The following ATP7A variants were observed in gnomAD, a reference collection of about 807,000 sequenced individuals.
The protein encoded by ATP7A is ATPase copper transporting alpha, also known as copper-transporting ATPase 1.
ATP7A carries 7 observed loss-of-function variants against 83.5 expected under a neutral mutation model. That is an observed-to-expected ratio of 0.08 (90% CI 0.05 to 0.16). The LOEUF is 0.16. Among genes scored for constraint, ATP7A ranks in the 10% least tolerant of loss-of-function variants. The probability of loss-of-function intolerance (pLI) is 1.00; values close to 1 mark genes in which losing one functional copy is unlikely to be tolerated. For missense variants in ATP7A, 940 were observed against 1,120.8 expected, an observed-to-expected ratio of 0.84 and a Z score of 2.30; for synonymous variants, 354 against 395.2, an observed-to-expected ratio of 0.90 and a Z score of 1.24.
chrX:77,991,998 G>C (rs1557232118), intron 4 of ATP7A, among the ~76,000 whole-genome samples: 1 of 109,589 alleles, frequency 9.1e-6, no homozygotes, highest in Admixed American at 9.8e-5. Context: ...CTCCAGCCTG[G>C]GTAACAGAAC....
At chrX:77,929,746 G>A (rs1309531186) in intron 1 of ATP7A, among the ~76,000 whole-genome samples, 1 of 109,417 alleles carries the variant, frequency 9.1e-6, no homozygotes, top group Non-Finnish European at 1.9e-5. Flanking sequence ...GTGATTACAG[G>A]CATGAGCCAC....
intron 1 of ATP7A, among the ~76,000 whole-genome samples, chrX:77,915,269 C>A (rs1166912385): frequency 2.7e-5 from 3 of 109,485 alleles, no homozygotes; most frequent in Non-Finnish European, 5.7e-5. Flanking sequence ...GAGCTGAGAT[C>A]ACACCACTGC....
intron 1 of ATP7A, among the ~76,000 whole-genome samples, chrX:77,954,950 A>G (rs1557227189): frequency 9.2e-6 from 1 of 109,283 alleles, no homozygotes; most frequent in Non-Finnish European, 1.9e-5. Flanking sequence ...TTTCTTTTTC[A>G]TTTCCCATTA....
intron 2 of ATP7A, among the ~76,000 whole-genome samples, chrX:77,984,690 C>T (rs892696659): frequency 9.0e-6 from 1 of 111,164 alleles, no homozygotes; most frequent in Non-Finnish European, 1.9e-5. Context: ...TGACTTCCTG[C>T]CCAAAGATTT....
intron 2 of ATP7A, among the ~76,000 whole-genome samples, chrX:77,987,106 C>A (rs782515401): frequency 2.4e-4 from 27 of 111,221 alleles, no homozygotes; most frequent in Non-Finnish European, 4.5e-4. Context: ...CCTAAGAATA[C>A]TTTTCTGACC....
At chrX:78,022,486 C>CATGT (rs2077913118) in intron 14 of ATP7A, among the ~76,000 whole-genome samples, 1 of 75,345 alleles carries the variant, frequency 1.3e-5, no homozygotes, top group Admixed American at 1.7e-4. Context: ...GGTACATGTG[C>CATGT]ATGTTTGTTT....
chrX:77,915,927 G>T (rs1460110521), intron 1 of ATP7A, among the ~76,000 whole-genome samples: 1 of 111,638 alleles, frequency 9.0e-6, no homozygotes, highest in East Asian at 2.8e-4. Context: ...CGCCATGTTG[G>T]CCAGCCTGGT....
intron 13 of ATP7A, 146 bp from the exon 14 acceptor site, chrX:78,020,799 G>C (rs781829363): frequency 2.8e-5 from 18 of 641,238 alleles, no homozygotes; most frequent in Non-Finnish European, 4.1e-5. Context: ...GGGATTACAG[G>C]TGTGAGCCAC....
intron 19 of ATP7A, 69 bp downstream of exon 19, chrX:78,040,802 A>G (rs1187003261): frequency 7.9e-6 from 9 of 1,133,766 alleles, no homozygotes; most frequent in Non-Finnish European, 9.7e-6. Context: ...TTCAAATGCT[A>G]AGAAATTTAC....
Position 77,988,426 on chromosome X carries a change from A to T in ATP7A, c.305A>T (p.His102Leu). 2 of 1,211,794 alleles carry T rather than the reference A, an allele frequency of 1.7e-6. No homozygotes were observed. Among genetic ancestry groups the T allele is most frequent in the Non-Finnish European group, 2.2e-6 (2 of 895,428 alleles). Reference protein sequence around the residue: ...VTASLTLPWDHIQSTLLKTKG... With the variant: ...VTASLTLPWDLIQSTLLKTKG... The stretch of plus-strand genomic sequence containing the variant: ...GCGTCACTGACTTTGCCATGGGACC[A>T]TATCCAAAGCACATTGCTGAAGACC... The change falls in exon 3 of 23, where the codon CAT (histidine) becomes CTT (leucine). Residue 102 changes from histidine (H) to leucine (L), a missense_variant. Physicochemically the swap from His to Leu is moderately conservative, Grantham distance 99 (BLOSUM62 -3). This residue lies in a region of ATP7A where 350 missense variants were observed against 432.8 expected (regional missense o/e 0.81). Coordinates refer to ENST00000341514, the MANE Select transcript of ATP7A (RefSeq NM_000052.7).
Position 78,011,265 on chromosome X carries a change from G to C in ATP7A, c.1946+13G>C. 5.8e-6 allele frequency: 7 copies of C among 1,201,239 alleles called. No individual in the cohort carries two copies. The highest frequency in any genetic ancestry group is 1.8e-5 in the South Asian group (1 of 56,523). On this transcript the variant is annotated intron_variant, in intron 8 of 22. Coordinates refer to ENST00000341514, the MANE Select transcript of ATP7A (RefSeq NM_000052.7). ...GAGAAATAAGACAGTAAGTACTTTG[G>C]AGTGTCAGTAAAAAACAGATTTTGA...
intron 14 of ATP7A, among the ~76,000 whole-genome samples, chrX:78,024,096 A>T (rs782636580): frequency 9.0e-6 from 1 of 111,418 alleles, no homozygotes; most frequent in Non-Finnish European, 1.9e-5. Context: ...GTTGAAGACC[A>T]GTTGGTTGTA....
Position 78,001,825 on chromosome X carries a change from T to TA in ATP7A, c.1544-1237dup, listed in dbSNP as rs1331349535. 4.1e-4 allele frequency among the ~76,000 whole-genome samples: 42 copies of TA among 102,269 alleles called. 1 individual carries two copies. The highest frequency in any genetic ancestry group is 7.1e-4 in the African/African-American group (20 of 28,335). The allele number at this position is 102,269 out of a possible 115,157, so 88.8% of individuals were successfully genotyped here. On this transcript the variant is annotated intron_variant, in intron 5 of 22. Transcript: ENST00000341514. Reference sequence around the variant, plus strand: ...TGGCCTAGAAAAGTGGAATGGTTGTTAAAAAAAAAAAGGTTTGCACTAGTG... The same window carrying TA: ...TGGCCTAGAAAAGTGGAATGGTTGTTAAAAAAAAAAAAGGTTTGCACTAGTG...
chrX:77,930,409 C>T (rs1208039957), intron 1 of ATP7A, among the ~76,000 whole-genome samples: 1 of 111,749 alleles, frequency 8.9e-6, no homozygotes, highest in Admixed American at 9.5e-5. Context: ...ACACCTTGCT[C>T]CCAAATATAG....
rs374787039 is a variant in ATP7A, at chrX:77,976,432, C to A, written c.120+4671C>A. On this transcript the variant is annotated intron_variant, in intron 2 of 22. Transcript: ENST00000341514. The stretch of plus-strand genomic sequence containing the variant: ...CTCTGCAGTATTCTTACCTAAAATT[C>A]TGATTTATTATAAGATCTTGAGTAG... Among the ~76,000 whole-genome samples, 16 of 112,028 alleles carry A rather than the reference C, an allele frequency of 1.4e-4. 1 individual carries two copies. The South Asian group carries it at 5.9e-3, about 41-fold the overall frequency.
At chrX:77,962,818 C>T (rs1320002919) in intron 1 of ATP7A, 2 of 385,289 alleles carry the variant, frequency 5.2e-6, no homozygotes, top group East Asian at 7.5e-5. Flanking sequence ...GTCAAATGTA[C>T]GGAAAATGCA....
At chrX:78,012,595 A>G (rs2077834902) in intron 9 of ATP7A, among the ~76,000 whole-genome samples, 1 of 108,286 alleles carries the variant, frequency 9.2e-6, no homozygotes, top group Non-Finnish European at 1.9e-5. Context: ...TCTCTTAAAA[A>G]AAAAAAAAAA....
chrX:77,911,048 T>G (rs782483822), intron 1 of ATP7A, among the ~76,000 whole-genome samples: 21 of 112,172 alleles, frequency 1.9e-4, no homozygotes, highest in Non-Finnish European at 9.4e-5. Flanking sequence ...CTGTGTCACT[T>G]TCTTGTACCC....
intron 2 of ATP7A, among the ~76,000 whole-genome samples, chrX:77,984,350 C>G (rs1286614209): frequency 9.5e-6 from 1 of 105,802 alleles, no homozygotes; most frequent in Non-Finnish European, 1.9e-5. Context: ...TTTTTTGAGG[C>G]GAAGTCTTGT....
Sources: allele counts gnomAD v4.1 joint callset (sites outside exome capture counted in the v4.1 genomes callset), GRCh38; gene constraint gnomAD v4.1.1; regional missense constraint gnomAD v4.1.1; transcripts MANE v1.5; gene names NCBI Gene and HGNC (gene_info 2026-07-23, HGNC 2026-07-21).